GRID2: variants seen among roughly 807,000 people sequenced by gnomAD.
GRID2 encodes the protein glutamate ionotropic receptor delta type subunit 2.
A neutral mutation model predicts 114.8 loss-of-function variants in GRID2; 33 were observed. That is an observed-to-expected ratio of 0.29 (90% CI 0.22 to 0.38). The LOEUF (loss-of-function observed/expected upper bound fraction) is 0.38, where lower values mean the gene tolerates loss of function less well. Ranked by LOEUF, GRID2 falls within the 10% of genes least tolerant of loss-of-function variation. The probability of loss-of-function intolerance (pLI) is 1.00; values close to 1 mark genes in which losing one functional copy is unlikely to be tolerated. For synonymous variants in GRID2, 505 were observed against 449.9 expected (o/e 1.12, Z -1.55); for missense variants, 1,184 against 1,257.7 (o/e 0.94, Z 0.89).
At chr4:92,403,171 G>C (rs1404729532) in intron 1 of GRID2, among the ~76,000 whole-genome samples, 1 of 152,150 alleles carries the variant, frequency 6.6e-6, no homozygotes, top group African/African-American at 2.4e-5. Context: ...TTAAGAGAAT[G>C]TGTGGCTGGT....
At chr4:92,799,085 A>G (rs1740028324) in intron 2 of GRID2, among the ~76,000 whole-genome samples, 2 of 151,914 alleles carry the variant, frequency 1.3e-5, no homozygotes, top group Admixed American at 6.6e-5. Flanking sequence ...TGTGCACTTT[A>G]TTTCCATTAT....
intron 2 of GRID2, among the ~76,000 whole-genome samples, chr4:92,974,655 A>C (rs948213946): frequency 6.6e-6 from 1 of 151,710 alleles, no homozygotes; most frequent in Non-Finnish European, 1.5e-5. Context: ...GGACACAGGA[A>C]GGGAAACATC....
rs1359063446 is a variant in GRID2 at position 92,952,006 on chromosome 4, C to T, written c.245-132989C>T. Among the ~76,000 whole-genome samples the T allele has an allele frequency of 2.6e-5, 4 of 152,060 alleles. No individual in the cohort carries two copies. The East Asian group carries it at 7.7e-4, about 29-fold the overall frequency. On this transcript the variant is annotated intron_variant, in intron 2 of 15. Transcript: ENST00000282020. ...TATTTTTATATTAAAAACAATGATT[C>T]AGTGAAACACTGTGTACATGTCCCT...
At chr4:93,704,350 T>G (rs552392712) in intron 14 of GRID2, among the ~76,000 whole-genome samples, 1 of 152,182 alleles carries the variant, frequency 6.6e-6, no homozygotes, top group African/African-American at 2.4e-5. Flanking sequence ...GTTGTTTGTT[T>G]TTTTCTTGTA....
intron 1 of GRID2, among the ~76,000 whole-genome samples, chr4:92,320,019 C>T (rs1726228754): frequency 6.6e-6 from 1 of 152,108 alleles, no homozygotes; most frequent in South Asian, 2.1e-4. Context: ...AGAGAGGTTG[C>T]AGCCAGTGTA....
At chr4:92,694,460 A>G (rs1410943703) in intron 2 of GRID2, among the ~76,000 whole-genome samples, 3 of 152,182 alleles carry the variant, frequency 2.0e-5, no homozygotes, top group African/African-American at 7.2e-5. Flanking sequence ...AATTAGCAGA[A>G]CTGAGACTGG....
intron 14 of GRID2, among the ~76,000 whole-genome samples, chr4:93,637,644 G>C (rs1721533719): frequency 6.6e-6 from 1 of 152,120 alleles, no homozygotes; most frequent in Non-Finnish European, 1.5e-5. Context: ...GGGAGGGAGA[G>C]ATCCATCTGA....
At chr4:93,627,686 A>G (rs1742848569) in intron 14 of GRID2, among the ~76,000 whole-genome samples, 1 of 152,218 alleles carries the variant, frequency 6.6e-6, no homozygotes, top group South Asian at 2.1e-4. Flanking sequence ...CCTAACAGGG[A>G]CATGCTGTTC....
intron 1 of GRID2, among the ~76,000 whole-genome samples, chr4:92,387,118 C>T (rs1223807215): frequency 1.3e-5 from 2 of 151,768 alleles, no homozygotes; most frequent in South Asian, 2.1e-4. Context: ...GTTGATTTCA[C>T]CTGATTTCAA....
intron 4 of GRID2, among the ~76,000 whole-genome samples, chr4:93,135,185 G>A (rs908657131): frequency 1.4e-4 from 21 of 152,076 alleles, no homozygotes; most frequent in Admixed American, 3.9e-4. Context: ...TAAAATGTTC[G>A]GTGAAGTCTT....
chr4:92,431,513 T>C (rs879886611), intron 1 of GRID2, among the ~76,000 whole-genome samples: 3 of 152,126 alleles, frequency 2.0e-5, no homozygotes, highest in Admixed American at 6.5e-5. Flanking sequence ...TATTGAGGAT[T>C]TTTGCATCAG....
chr4:93,807,433 CATT>C (rs1275586766), exon 2 of GRID2: 5 of 152,294 alleles, frequency 3.3e-5, no homozygotes, highest in African/African-American at 1.2e-4. Flanking sequence ...TCTAGAACAA[CATT>C]ATTTCATACT....
chr4:92,768,895 G>A (rs930033489), intron 2 of GRID2, among the ~76,000 whole-genome samples: 27 of 152,104 alleles, frequency 1.8e-4, no homozygotes, highest in Non-Finnish European at 7.3e-5. Flanking sequence ...TGAGATTTGC[G>A]TGGGGACACA....
chr4:93,737,977 G>A (rs891796618), intron 14 of GRID2, among the ~76,000 whole-genome samples: 1 of 152,132 alleles, frequency 6.6e-6, no homozygotes, highest in Non-Finnish European at 1.5e-5. Flanking sequence ...TCCCAGTCCT[G>A]TTAAATTCAG....
At chr4:92,887,626 T>G (rs1296146502) in intron 2 of GRID2, among the ~76,000 whole-genome samples, 2 of 152,196 alleles carry the variant, frequency 1.3e-5, no homozygotes, top group African/African-American at 4.8e-5. Flanking sequence ...TAGATAATGG[T>G]GCTAGGACCA....
intron 2 of GRID2, among the ~76,000 whole-genome samples, chr4:92,647,481 T>A (rs561109707): frequency 1.3e-5 from 2 of 149,810 alleles, no homozygotes; most frequent in African/African-American, 5.0e-5. Context: ...GCTTGAATTA[T>A]GGTTTTTTTG....
intron 13 of GRID2, among the ~76,000 whole-genome samples, chr4:93,580,160 G>A (rs1405686184): frequency 6.6e-6 from 1 of 152,192 alleles, no homozygotes. Flanking sequence ...TTGGTGTGTA[G>A]GGGTGAGATT....
intron 2 of GRID2, among the ~76,000 whole-genome samples, chr4:92,911,559 G>A (rs531542772): frequency 6.6e-6 from 1 of 151,832 alleles, no homozygotes; most frequent in African/African-American, 2.4e-5. Flanking sequence ...TGTCATTTGT[G>A]CATATCTTTT....
At chr4:92,914,300 G>A (rs1748620104) in intron 2 of GRID2, among the ~76,000 whole-genome samples, 1 of 151,836 alleles carries the variant, frequency 6.6e-6, no homozygotes, top group African/African-American at 2.4e-5. Flanking sequence ...TATTTCCTTA[G>A]CTATATGCAG....
Sources: gnomAD v4.1 joint callset for allele counts (sites outside exome capture counted in the v4.1 genomes callset) on GRCh38, gnomAD v4.1.1 for gene constraint, MANE v1.5 for transcripts, NCBI Gene and HGNC (gene_info 2026-07-23, HGNC 2026-07-21) for gene names.